PXDN: variants seen among roughly 807,000 people sequenced by gnomAD.
PXDN encodes the protein peroxidasin.
A neutral mutation model predicts 140.3 loss-of-function variants in PXDN; 77 were observed. The observed-to-expected ratio is 0.55, with a 90% confidence interval of 0.46 to 0.66. The LOEUF (loss-of-function observed/expected upper bound fraction) is 0.66. Among genes scored for constraint, PXDN ranks in the 30% least tolerant of loss-of-function variants. PXDN has a pLI of 0.00. For missense variants in PXDN, 1,838 were observed against 2,039.5 expected, an observed-to-expected ratio of 0.90 and a Z score of 1.90; for synonymous variants, 911 against 857.4, an observed-to-expected ratio of 1.06 and a Z score of -1.09.
At chr2:1,678,803 G>A (rs1002183492) in intron 7 of PXDN, among the ~76,000 whole-genome samples, 3 of 152,164 alleles carry the variant, frequency 2.0e-5, no homozygotes, top group Non-Finnish European at 4.4e-5. Flanking sequence ...CCAGTGCCCT[G>A]CGGAGCTGAG....
At chr2:1,680,434 T>C in intron 6 of PXDN, 72 bp from the exon 7 acceptor site, 4 of 1,561,808 alleles carry the variant, frequency 2.6e-6, no homozygotes, top group Non-Finnish European at 3.5e-6. Context: ...CAGACAGGGC[T>C]TCCAGGTCCC....
chr2:1,693,969 G>T (rs1309982338), intron 1 of PXDN, among the ~76,000 whole-genome samples: 1 of 152,256 alleles, frequency 6.6e-6, no homozygotes, highest in Non-Finnish European at 1.5e-5. Flanking sequence ...GGGAAGTGCA[G>T]ACATGCAGAG....
chr2:1,645,389 C>T (rs1436723971), intron 17 of PXDN, among the ~76,000 whole-genome samples: 2 of 152,210 alleles, frequency 1.3e-5, no homozygotes, highest in Non-Finnish European at 2.9e-5. Context: ...CATCTTAGAA[C>T]TCGACTACGC....
chr2:1,686,559 C>T (rs931781544), intron 4 of PXDN, among the ~76,000 whole-genome samples: 3 of 152,168 alleles, frequency 2.0e-5, no homozygotes, highest in Non-Finnish European at 4.4e-5. Flanking sequence ...GAGTGAAACG[C>T]TTGTTGGATA....
intron 1 of PXDN, among the ~76,000 whole-genome samples, chr2:1,720,612 G>GCTCTCTCTGCATCTCTTTCT (rs74164534): frequency 0.64 from 64,573 of 101,020 alleles, 25,734 homozygotes; most frequent in East Asian, 0.91. Flanking sequence ...CTCAGATACA[G>GCTCTCTCTGCATCTCTTTCT]CTCTCTCTGC....
chr2:1,715,887 C>T (rs1054611269), intron 1 of PXDN, among the ~76,000 whole-genome samples: 19 of 152,274 alleles, frequency 1.2e-4, no homozygotes, highest in African/African-American at 1.7e-4. Context: ...TTCCAGCAAA[C>T]AATACAGCCC....
chr2:1,690,962 C>G (rs1336391096), intron 3 of PXDN, among the ~76,000 whole-genome samples: 1 of 152,184 alleles, frequency 6.6e-6, no homozygotes, highest in Non-Finnish European at 1.5e-5. Context: ...AAAATAACTA[C>G]AGCATTAGCA....
intron 4 of PXDN, among the ~76,000 whole-genome samples, chr2:1,686,467 C>T (rs1209872213): frequency 6.6e-5 from 10 of 152,156 alleles, no homozygotes; most frequent in African/African-American, 2.4e-4. Flanking sequence ...ACTGGACTCA[C>T]CCAGCACAAA....
intron 1 of PXDN, among the ~76,000 whole-genome samples, chr2:1,739,237 C>T (rs1374974383): frequency 6.6e-6 from 1 of 152,134 alleles, no homozygotes; most frequent in African/African-American, 2.4e-5. Flanking sequence ...CTCTTTTCAC[C>T]GGACTTAGCT....
At chr2:1,653,809 A>C in intron 15 of PXDN, 24 bp from the exon 16 acceptor site, 1 of 1,533,562 alleles carries the variant, frequency 6.5e-7, no homozygotes, top group Non-Finnish European at 8.8e-7. Context: ...AGGGGGAAGA[A>C]AGGAAGAATG....
Position 1,665,053 on chromosome 2 carries a change from G to A in PXDN, c.1313C>T (p.Thr438Met), listed in dbSNP as rs755575492. The change falls in exon 11 of 23, where the codon ACG (threonine) becomes ATG (methionine). Residue 438 changes from threonine (T) to methionine (M), a missense_variant. By Grantham distance (81) the Thr-to-Met change is moderately conservative. Coordinates refer to ENST00000252804, the MANE Select transcript of PXDN (RefSeq NM_012293.3). ...CTCAATAACGACTCTGTCCTGAGGC[G>A]TCACAGTGAACTGAGGAAGAGCTTC... The part of the protein sequence containing the change: ...IVQALPQFTV[T>M]PQDRVVIEGQ... The A allele has an allele frequency of 7.5e-6, 12 of 1,609,070 alleles. No individual in the cohort carries two copies. Among genetic ancestry groups the A allele is most frequent in the South Asian group, 4.4e-5 (4 of 89,940 alleles).
chr2:1,635,334 C>A, intron 22 of PXDN, 74 bp downstream of exon 22: 1 of 1,319,888 alleles, frequency 7.6e-7, no homozygotes, highest in South Asian at 1.3e-5. Flanking sequence ...CTGGGCCACC[C>A]ACCTGAGTGG....
At chr2:1,711,563 T>TCCACTCTCCACCAGCAC (rs1684782877) in intron 1 of PXDN, among the ~76,000 whole-genome samples, 1 of 28,062 alleles carries the variant, frequency 3.6e-5, no homozygotes, top group Admixed American at 4.6e-4. Flanking sequence ...TCCACCAGCA[T>TCCACTCTCCACCAGCAC]CCACTCTCCA....
intron 13 of PXDN, among the ~76,000 whole-genome samples, chr2:1,661,487 G>A (rs569122973): frequency 2.0e-5 from 3 of 152,208 alleles, no homozygotes; most frequent in Non-Finnish European, 4.4e-5. Context: ...GATGCCTGGG[G>A]TGTGTGTGGC....
At chr2:1,740,262 A>C (rs1030108174) in intron 1 of PXDN, among the ~76,000 whole-genome samples, 8 of 152,148 alleles carry the variant, frequency 5.3e-5, no homozygotes. Flanking sequence ...AGTGCCAGGC[A>C]ACAAACACCC....
At chr2:1,710,717 C>T (rs1369764248) in intron 1 of PXDN, among the ~76,000 whole-genome samples, 20 of 136,564 alleles carry the variant, frequency 1.5e-4, no homozygotes, top group Non-Finnish European at 3.0e-4. Context: ...CCAGCACCCA[C>T]TCCACCAGCA....
chr2:1,739,727 C>A (rs1685497363), intron 1 of PXDN, among the ~76,000 whole-genome samples: 1 of 152,148 alleles, frequency 6.6e-6, no homozygotes, highest in African/African-American at 2.4e-5. Context: ...GAAGATTTTC[C>A]TCTTCTGGCC....
intron 9 of PXDN, among the ~76,000 whole-genome samples, chr2:1,667,528 G>A (rs1035181172): frequency 6.6e-6 from 1 of 152,126 alleles, no homozygotes; most frequent in African/African-American, 2.4e-5. Flanking sequence ...GTTTGCAGAC[G>A]ACATGATTGC....
chr2:1,711,582 CACTCCACCA>C (rs1684784359), intron 1 of PXDN, among the ~76,000 whole-genome samples: 2 of 73,574 alleles, frequency 2.7e-5, no homozygotes, highest in Non-Finnish European at 7.0e-5. Flanking sequence ...CACCAGCACC[CACTCCACCA>C]GCACCCACTC....
Sources: allele counts gnomAD v4.1 joint callset (sites outside exome capture counted in the v4.1 genomes callset), GRCh38; gene constraint gnomAD v4.1.1; transcripts MANE v1.5; gene names NCBI Gene and HGNC (gene_info 2026-07-23, HGNC 2026-07-21).